SEC24A: variants seen among roughly 807,000 people sequenced by gnomAD.
The protein encoded by SEC24A is protein transport protein Sec24A.
In SEC24A, 93 loss-of-function variants were observed where a neutral mutation model predicts 129.4. The ratio of observed to expected loss-of-function variants is 0.72; its 90% CI spans 0.61 to 0.85. The LOEUF (loss-of-function observed/expected upper bound fraction) is 0.85. SEC24A is among the 40% of genes least tolerant of loss of function. The pLI, the probability that SEC24A is intolerant of heterozygous loss-of-function variation, is 0.00. For missense variants in SEC24A, 1,264 were observed against 1,307.4 expected (o/e 0.97, Z 0.51); for synonymous variants, 460 against 467.3 (o/e 0.98, Z 0.20).
At chr5:134,705,711 T>C (rs1752141130) in intron 17 of SEC24A, among the ~76,000 whole-genome samples, 2 of 152,168 alleles carry the variant, frequency 1.3e-5, no homozygotes, top group Non-Finnish European at 2.9e-5. Flanking sequence ...TACAGAGTTG[T>C]ACAGCTATCA....
At chr5:134,677,038 C>T (rs1751089673) in intron 7 of SEC24A, among the ~76,000 whole-genome samples, 1 of 152,144 alleles carries the variant, frequency 6.6e-6, no homozygotes, top group African/African-American at 2.4e-5. Context: ...GTACTTTACC[C>T]TAGTCTCCCC....
rs1186361787 is a variant in SEC24A, at chr5:134,726,598, A to C, written c.*1504A>C. 1.3e-5 allele frequency: 2 copies of C among 152,494 alleles called. No individual in the cohort carries two copies. The highest frequency in any genetic ancestry group is 2.9e-5 in the Non-Finnish European group (2 of 67,998). 9.4% of individuals were successfully genotyped at this position (152,494 alleles called of 1,614,324 possible). A position where few individuals can be genotyped will look rare whatever the true frequency, so the allele number is the denominator to read the frequency against. On this transcript the variant is annotated 3_prime_UTR_variant, in exon 23 of 23. Coordinates refer to ENST00000398844, the MANE Select transcript of SEC24A (RefSeq NM_021982.3). ...ATCAAAATAATCATGTTTTATGAAA[A>C]TATCTCCCTTAAGCAGTGTTAAGGT...
intron 2 of SEC24A, among the ~76,000 whole-genome samples, chr5:134,666,434 A>G (rs1235723293): frequency 6.6e-6 from 1 of 152,102 alleles, no homozygotes; most frequent in Non-Finnish European, 1.5e-5. Flanking sequence ...TCACATGCCT[A>G]TAGTCCCTCC....
Position 134,679,586 on chromosome 5 carries a change from GTTT to G in SEC24A, c.1255-7_1255-5del. ...TTTTTGCCTTTAAAAATTTAATTCTGTTTTTTTTTTTCCAGCAATTGCCTGTGG... is the reference window on the plus strand; with the variant it reads ...TTTTTGCCTTTAAAAATTTAATTCTGTTTTTTTTCCAGCAATTGCCTGTGG... On this transcript the variant is annotated splice_polypyrimidine_tract_variant and intron_variant, in intron 7 of 22. Transcript: ENST00000398844. 1 of 1,214,644 alleles carries G rather than the reference GTTT, an allele frequency of 8.2e-7. No individual in the cohort carries two copies. The highest frequency in any genetic ancestry group is 2.2e-5 in the Admixed American group (1 of 45,356). The allele number at this position is 1,214,644 out of a possible 1,614,324, so 75.2% of individuals were successfully genotyped here. A position where few individuals can be genotyped will look rare whatever the true frequency, so the allele number is the denominator to read the frequency against.
chr5:134,676,459 T>C (rs1751066889), intron 7 of SEC24A, among the ~76,000 whole-genome samples: 1 of 148,394 alleles, frequency 6.7e-6, no homozygotes, highest in Non-Finnish European at 1.5e-5. Context: ...TTTTTTTTTT[T>C]TTCTGAGACT....
chr5:134,661,185 C>T lies in SEC24A; in HGVS notation c.164C>T (p.Pro55Leu), dbSNP rs1021872427. Residue 55 changes from proline (P) to leucine (L), a missense_variant, in exon 2 of 23, where the codon CCA becomes CTA. Physicochemically the swap from Pro to Leu is moderately conservative, Grantham distance 98. Coordinates refer to ENST00000398844, the MANE Select transcript of SEC24A (RefSeq NM_021982.3). The part of the protein sequence containing the change: ...SVSQGYNFQL[P>L]GSYPHPIPAK... ...AGCCAAGGATACAATTTCCAGCTTC[C>T]AGGATCCTACCCTCATCCAATACCA... 6.2e-7 allele frequency: 1 copy of T among 1,613,874 alleles called. No individual in the cohort carries two copies. The highest frequency in any genetic ancestry group is 8.5e-7 in the Non-Finnish European group (1 of 1,179,992).
At chr5:134,680,968 G>A (rs1314988162) in intron 8 of SEC24A, among the ~76,000 whole-genome samples, 7 of 151,710 alleles carry the variant, frequency 4.6e-5, no homozygotes, top group Admixed American at 3.9e-4. Flanking sequence ...GTGTGGTGGC[G>A]GGCACCTATA....
At position 134,694,387 on chromosome 5, in the gene SEC24A, C is replaced by T. The variant is rs186343580; in HGVS notation, c.1986+454C>T. ...CTAAAAATACAAAATTGGCTGGGCGCGGTGGCTCACGCTTGTAATCCCAGC... is the reference window on the plus strand; with the variant it reads ...CTAAAAATACAAAATTGGCTGGGCGTGGTGGCTCACGCTTGTAATCCCAGC... On this transcript the variant is annotated intron_variant, in intron 13 of 22. Transcript: ENST00000398844. Among the ~76,000 whole-genome samples the T allele has an allele frequency of 2.6e-4, 40 of 152,090 alleles. No individual in the cohort carries two copies. The East Asian group carries it at 3.5e-3, about 13-fold the overall frequency.
chr5:134,723,226 G>T (rs961925139), intron 21 of SEC24A, among the ~76,000 whole-genome samples: 4 of 152,132 alleles, frequency 2.6e-5, no homozygotes, highest in African/African-American at 9.7e-5. Flanking sequence ...AGCACTTCGG[G>T]AGGCCGAGGC....
intron 4 of SEC24A, among the ~76,000 whole-genome samples, chr5:134,673,941 C>G (rs1169851813): frequency 6.6e-6 from 1 of 152,052 alleles, no homozygotes; most frequent in Non-Finnish European, 1.5e-5. Context: ...TGAGACCAGT[C>G]TGACCAACGT....
intron 2 of SEC24A, among the ~76,000 whole-genome samples, chr5:134,663,463 A>G (rs116147478): frequency 4.1e-4 from 63 of 152,308 alleles, no homozygotes; most frequent in Non-Finnish European, 7.5e-4. Flanking sequence ...GATCTAAAGT[A>G]TAAGACTTGA....
intron 22 of SEC24A, among the ~76,000 whole-genome samples, chr5:134,724,384 T>A (rs1752707725): frequency 6.6e-6 from 1 of 151,968 alleles, no homozygotes; most frequent in South Asian, 2.1e-4. Context: ...AGGTTGGGAG[T>A]TCGAGACCAG....
chr5:134,700,321 G>A (rs889470520), intron 15 of SEC24A, among the ~76,000 whole-genome samples: 3 of 151,786 alleles, frequency 2.0e-5, no homozygotes, highest in Non-Finnish European at 4.4e-5. Flanking sequence ...CTGGGCTCAA[G>A]CAATCCTCTT....
chr5:134,658,848 T>C (rs1226997638), intron 1 of SEC24A, among the ~76,000 whole-genome samples: 1 of 152,136 alleles, frequency 6.6e-6, no homozygotes, highest in African/African-American at 2.4e-5. Context: ...GGTGTGGAAA[T>C]TTCTCATCTC....
At chr5:134,700,367 A>G (rs1024171620) in intron 15 of SEC24A, among the ~76,000 whole-genome samples, 3 of 151,822 alleles carry the variant, frequency 2.0e-5, no homozygotes, top group Non-Finnish European at 2.9e-5. Flanking sequence ...CCACAGGCGC[A>G]TGCCACCACG....
intron 4 of SEC24A, among the ~76,000 whole-genome samples, chr5:134,672,567 C>A (rs547464521): frequency 1.3e-5 from 2 of 151,856 alleles, no homozygotes; most frequent in Non-Finnish European, 2.9e-5. Flanking sequence ...TGGGCTCAAG[C>A]GATCTGCCCA....
At chr5:134,669,461 C>T (rs1022526482) in intron 3 of SEC24A, among the ~76,000 whole-genome samples, 5 of 150,822 alleles carry the variant, frequency 3.3e-5, no homozygotes, top group East Asian at 2.0e-4. Context: ...CCACTGTGCC[C>T]GGCAGAAAAA....
At chr5:134,700,077 T>C (rs973187024) in intron 15 of SEC24A, among the ~76,000 whole-genome samples, 5 of 152,022 alleles carry the variant, frequency 3.3e-5, no homozygotes, top group African/African-American at 9.7e-5. Context: ...GGTTTTTTTT[T>C]CCATTGCTGC....
chr5:134,680,333 G>GTT (rs1352530385), intron 8 of SEC24A, among the ~76,000 whole-genome samples: 1 of 151,998 alleles, frequency 6.6e-6, no homozygotes, highest in African/African-American at 2.4e-5. Context: ...TAAGAGTTTT[G>GTT]TTTTTGTTTT....
Sources: gnomAD v4.1 joint callset for allele counts (sites outside exome capture counted in the v4.1 genomes callset) on GRCh38, gnomAD v4.1.1 for gene constraint, MANE v1.5 for transcripts, NCBI Gene and HGNC (gene_info 2026-07-23, HGNC 2026-07-21) for gene names.